The following RARB variants were observed in gnomAD, a reference collection of about 807,000 sequenced individuals.
RARB encodes retinoic acid receptor beta.
Under a neutral mutation model 51.9 loss-of-function variants are expected in RARB, and 17 were observed. That is an observed-to-expected ratio of 0.33 (90% confidence interval 0.22 to 0.49). RARB has a LOEUF of 0.49. Ranked by LOEUF, RARB falls within the 20% of genes least tolerant of loss-of-function variation. The pLI, the probability that RARB is intolerant of heterozygous loss-of-function variation, is 0.99. For missense variants in RARB, 369 were observed against 550.8 expected (o/e 0.67, Z 3.30); for synonymous variants, 215 against 195.4 (o/e 1.10, Z -0.84).
intron 5 of RARB, among the ~76,000 whole-genome samples, chr3:25,230,866 T>C (rs1443878835): frequency 1.3e-5 from 2 of 152,164 alleles, no homozygotes; most frequent in African/African-American, 4.8e-5. Context: ...TGAGAAACTA[T>C]TTTGTTCCAT....
Position 25,292,458 on chromosome 3 carries a change from G to A in RARB, c.178+117883G>A, listed in dbSNP as rs186551310. ...AGAGGGGAGCCAAATGCTATGCCCC[G>A]TCTTCCTTTGAGGTGGGAAGAAGAG... On this transcript the variant is annotated intron_variant, in intron 5 of 11. Coordinates refer to the RARB transcript ENST00000383772. 5.3e-4 allele frequency among the ~76,000 whole-genome samples: 80 copies of A among 152,258 alleles called. 1 individual carries two copies. In the East Asian group the frequency reaches 8.1e-3, roughly 15 times the overall value.
intron 2 of RARB, among the ~76,000 whole-genome samples, chr3:24,934,354 C>G (rs1369897978): frequency 6.6e-6 from 1 of 152,118 alleles, no homozygotes; most frequent in Non-Finnish European, 1.5e-5. Context: ...CAGAGATATT[C>G]TGGCAGGTTT....
At chr3:25,127,714 A>G (rs539019290) in intron 3 of RARB, among the ~76,000 whole-genome samples, 2 of 152,062 alleles carry the variant, frequency 1.3e-5, no homozygotes, top group Non-Finnish European at 2.9e-5. Context: ...CAACCCAGCT[A>G]CCTTTGATCA....
rs1198030421 is a variant in RARB, at chr3:25,338,943, T to C, written c.179-122250T>C. On this transcript the variant is annotated intron_variant, in intron 5 of 11. Coordinates refer to the RARB transcript ENST00000383772. Reference sequence around the variant, plus strand: ...CAAAATCGGGTCTCTGAGAGAACAGTTGAGATCCATTCTGAGTAGTAGTGC... The same window carrying C: ...CAAAATCGGGTCTCTGAGAGAACAGCTGAGATCCATTCTGAGTAGTAGTGC... 3.9e-5 allele frequency among the ~76,000 whole-genome samples: 6 copies of C among 152,196 alleles called. No individual in the cohort carries two copies. In the South Asian group the frequency reaches 8.3e-4, roughly 21 times the overall value.
At chr3:24,907,912 T>C (rs1041098570) in intron 2 of RARB, among the ~76,000 whole-genome samples, 1 of 151,998 alleles carries the variant, frequency 6.6e-6, no homozygotes, top group African/African-American at 2.4e-5. Flanking sequence ...TCTTCACGGG[T>C]CTCTTAGGGA....
intron 2 of RARB, among the ~76,000 whole-genome samples, chr3:24,905,665 C>A (rs575901607): frequency 2.6e-5 from 4 of 152,168 alleles, no homozygotes; most frequent in African/African-American, 4.8e-5. Context: ...CTTAAAGAAG[C>A]CTGGAGGTGC....
chr3:25,555,976 C>T lies in RARB; in HGVS notation c.449-13782C>T, dbSNP rs140379562. Among the ~76,000 whole-genome samples the T allele has an allele frequency of 1.8e-4, 27 of 150,342 alleles. 1 individual carries two copies. The East Asian group carries it at 3.9e-3, about 22-fold the overall frequency. On this transcript the variant is annotated intron_variant, in intron 3 of 7. Transcript: ENST00000330688. ...GTGGATTGTGAAGCTCTGGCAGGAA[C>T]GTTTTGTATGTTGTTTCTTGGACAT...
chr3:25,267,504 C>G (rs762290519), intron 5 of RARB, among the ~76,000 whole-genome samples: 2 of 152,140 alleles, frequency 1.3e-5, no homozygotes, highest in Non-Finnish European at 2.9e-5. Context: ...CCTAACTCTA[C>G]CACTTACTTC....
At chr3:25,276,846 G>C (rs751723834) in intron 5 of RARB, among the ~76,000 whole-genome samples, 2 of 152,132 alleles carry the variant, frequency 1.3e-5, no homozygotes, top group African/African-American at 4.8e-5. Flanking sequence ...GGGATCAAAA[G>C]CACTTGACTA....
At chr3:25,205,852 C>G (rs1280141957) in intron 5 of RARB, among the ~76,000 whole-genome samples, 1 of 151,998 alleles carries the variant, frequency 6.6e-6, no homozygotes, top group Non-Finnish European at 1.5e-5. Flanking sequence ...AAATGATCCT[C>G]CCACCTCAGC....
rs569555599 is a variant in RARB at position 24,886,537 on chromosome 3, C to T, written c.-380+27785C>T. On this transcript the variant is annotated intron_variant, in intron 2 of 11. Coordinates refer to the RARB transcript ENST00000383772. ...ATGGCTTACTGCAGCCTTTACCTCC[C>T]GGACTCAAGCCATTCTTTCTCCTCA... is the stretch of plus-strand genomic sequence containing the variant. 7.2e-5 allele frequency among the ~76,000 whole-genome samples: 11 copies of T among 151,984 alleles called. 1 individual carries two copies. In the South Asian group the frequency reaches 1.9e-3, roughly 26 times the overall value.
At chr3:25,295,257 C>T (rs193049809) in intron 5 of RARB, among the ~76,000 whole-genome samples, 168 of 152,202 alleles carry the variant, frequency 1.1e-3, no homozygotes, top group African/African-American at 3.7e-3. Context: ...AATCCAGTCC[C>T]CAATGTGTTG....
chr3:24,910,540 G>C (rs1170019021), intron 2 of RARB, among the ~76,000 whole-genome samples: 1 of 152,072 alleles, frequency 6.6e-6, no homozygotes, highest in African/African-American at 2.4e-5. Context: ...AATCCTATTT[G>C]CTCTAACAGA....
At chr3:25,590,051 G>A (rs1575547160) in intron 5 of RARB, among the ~76,000 whole-genome samples, 1 of 152,220 alleles carries the variant, frequency 6.6e-6, no homozygotes, top group Non-Finnish European at 1.5e-5. Flanking sequence ...TGGGGCCGGG[G>A]CAGGGAAGGG....
intron 5 of RARB, among the ~76,000 whole-genome samples, chr3:25,205,139 C>T (rs1265992435): frequency 6.6e-6 from 1 of 152,170 alleles, no homozygotes; most frequent in African/African-American, 2.4e-5. Context: ...TGCCCCTCCC[C>T]CAGCCTCTCT....
intron 2 of RARB, among the ~76,000 whole-genome samples, chr3:25,058,192 T>C (rs1698477557): frequency 6.6e-6 from 1 of 151,938 alleles, no homozygotes. Context: ...AGGCATAAAA[T>C]TAATTAATGG....
Position 25,309,308 on chromosome 3 carries a change from G to GTT in RARB, c.178+134744_178+134745dup, listed in dbSNP as rs546135979. ...CGCCATCATGCCTGGCTAATTTTTT[G>GTT]TTTTTTTTTTTTAGCAGAGACGGGG... On this transcript the variant is annotated intron_variant, in intron 5 of 11. Coordinates refer to the RARB transcript ENST00000383772. Among the ~76,000 whole-genome samples, 140 of 136,762 alleles carry GTT rather than the reference G, an allele frequency of 1.0e-3. 2 individuals carry two copies. The South Asian group carries it at 0.011, about 11-fold the overall frequency. The allele number at this position is 136,762 out of a possible 152,430, so 89.7% of individuals were successfully genotyped here.
chr3:24,914,130 T>A (rs1025696236), intron 2 of RARB, among the ~76,000 whole-genome samples: 1 of 152,176 alleles, frequency 6.6e-6, no homozygotes, highest in African/African-American at 2.4e-5. Flanking sequence ...AAATCTCAAA[T>A]CATGTACCAT....
At chr3:25,361,509 GT>G (rs902393688) in intron 5 of RARB, among the ~76,000 whole-genome samples, 1 of 152,018 alleles carries the variant, frequency 6.6e-6, no homozygotes, top group Non-Finnish European at 1.5e-5. Flanking sequence ...TCTCCATCCA[GT>G]TTTTTTTCCC....
Sources: gnomAD v4.1 joint callset for allele counts (sites outside exome capture counted in the v4.1 genomes callset) on GRCh38, gnomAD v4.1.1 for gene constraint, MANE v1.5 for transcripts, NCBI Gene and HGNC (gene_info 2026-07-23, HGNC 2026-07-21) for gene names.